FRMD4B: variants seen among roughly 807,000 people sequenced by gnomAD.
FRMD4B encodes the protein FERM domain-containing protein 4B.
A neutral mutation model predicts 141.5 loss-of-function variants in FRMD4B; 74 were observed. The ratio of observed to expected loss-of-function variants is 0.52; its 90% CI spans 0.43 to 0.63. The LOEUF (loss-of-function observed/expected upper bound fraction) is 0.63, where lower values mean the gene tolerates loss of function less well. Among genes scored for constraint, FRMD4B ranks in the 30% least tolerant of loss-of-function variants. FRMD4B has a pLI of 0.00. For missense variants in FRMD4B, 1,366 were observed against 1,253.4 expected, an observed-to-expected ratio of 1.09 and a Z score of -1.36; for synonymous variants, 506 against 467.9, an observed-to-expected ratio of 1.08 and a Z score of -1.05.
intron 8 of FRMD4B, among the ~76,000 whole-genome samples, chr3:69,223,919 T>A (rs1288634431): frequency 6.6e-6 from 1 of 152,230 alleles, no homozygotes; most frequent in African/African-American, 2.4e-5. Context: ...GCCTCAGTAC[T>A]TACTTTCACT....
chr3:69,291,569 C>T (rs1700875992), intron 4 of FRMD4B, among the ~76,000 whole-genome samples: 2 of 152,148 alleles, frequency 1.3e-5, no homozygotes, highest in Admixed American at 1.3e-4. Context: ...TTTTTCTGCT[C>T]TACTAAAACT....
intron 1 of FRMD4B, among the ~76,000 whole-genome samples, chr3:69,356,327 CATCTG>C (rs1457176187): frequency 6.6e-6 from 1 of 152,080 alleles, no homozygotes; most frequent in East Asian, 1.9e-4. Flanking sequence ...GGGTGGGCAC[CATCTG>C]ATCAGCTGCC....
chr3:69,318,461 G>A (rs565336382), intron 1 of FRMD4B, among the ~76,000 whole-genome samples: 1 of 152,298 alleles, frequency 6.6e-6, no homozygotes, highest in African/African-American at 2.4e-5. Flanking sequence ...GCTGACATCT[G>A]GGGAGGGGGC....
intron 2 of FRMD4B, among the ~76,000 whole-genome samples, chr3:69,396,324 G>A (rs564665319): frequency 6.6e-6 from 1 of 152,186 alleles, no homozygotes; most frequent in Non-Finnish European, 1.5e-5. Flanking sequence ...GGCCAATATG[G>A]TGAAACCCCT....
At chr3:69,449,849 C>T (rs1179623421) in intron 1 of FRMD4B, among the ~76,000 whole-genome samples, 1 of 152,152 alleles carries the variant, frequency 6.6e-6, no homozygotes, top group East Asian at 1.9e-4. Context: ...AATTGTTAAT[C>T]TCCATACTTT....
At chr3:69,257,044 T>G (rs972227309) in intron 5 of FRMD4B, among the ~76,000 whole-genome samples, 1 of 152,188 alleles carries the variant, frequency 6.6e-6, no homozygotes, top group East Asian at 1.9e-4. Flanking sequence ...TAGGTGCCAA[T>G]AGCAGCCTAC....
intron 5 of FRMD4B, among the ~76,000 whole-genome samples, chr3:69,276,158 CCTA>C (rs2093616961): frequency 6.6e-6 from 1 of 152,120 alleles, no homozygotes; most frequent in African/African-American, 2.4e-5. Flanking sequence ...TTTCCAGTTT[CCTA>C]CTATTGGAAA....
chr3:69,411,030 T>C (rs1704752447), intron 2 of FRMD4B, among the ~76,000 whole-genome samples: 1 of 152,076 alleles, frequency 6.6e-6, no homozygotes, highest in African/African-American at 2.4e-5. Context: ...TATTCTCCTG[T>C]GGCAAACTAG....
intron 1 of FRMD4B, among the ~76,000 whole-genome samples, chr3:69,437,777 T>G (rs1705283042): frequency 7.7e-6 from 1 of 129,294 alleles, no homozygotes; most frequent in African/African-American, 3.1e-5. Context: ...ATATATACTA[T>G]ATATACTATA....
chr3:69,241,901 A>C (rs992090117), intron 7 of FRMD4B, among the ~76,000 whole-genome samples: 1 of 151,786 alleles, frequency 6.6e-6, no homozygotes, highest in Non-Finnish European at 1.5e-5. Context: ...CAAAACAAAA[A>C]AACCCCCAAA....
chr3:69,424,513 T>G (rs766351234), intron 2 of FRMD4B, among the ~76,000 whole-genome samples: 3 of 152,156 alleles, frequency 2.0e-5, no homozygotes, highest in Non-Finnish European at 4.4e-5. Flanking sequence ...GTGGTTTCTC[T>G]CTTAGCTTAC....
chr3:69,331,524 A>C (rs2107332498), intron 1 of FRMD4B, among the ~76,000 whole-genome samples: 2 of 152,310 alleles, frequency 1.3e-5, no homozygotes, highest in Non-Finnish European at 2.9e-5. Context: ...TTTAAAGTAC[A>C]GTGTATTATT....
intron 4 of FRMD4B, among the ~76,000 whole-genome samples, chr3:69,288,968 C>T (rs1365150701): frequency 1.3e-5 from 2 of 152,152 alleles, no homozygotes; most frequent in Non-Finnish European, 2.9e-5. Context: ...TAAAATCATT[C>T]GAAACATTCC....
At chr3:69,538,951 T>C (rs896028674) in intron 1 of FRMD4B, among the ~76,000 whole-genome samples, 6 of 152,236 alleles carry the variant, frequency 3.9e-5, no homozygotes, top group African/African-American at 1.4e-4. Flanking sequence ...ATGTAAGACC[T>C]GCTGATGAGC....
chr3:69,172,475 C>A (rs760384377), intron 22 of FRMD4B, among the ~76,000 whole-genome samples: 1 of 152,068 alleles, frequency 6.6e-6, no homozygotes, highest in African/African-American at 2.4e-5. Flanking sequence ...AACAAATCTT[C>A]GGCCCATGTC....
At chr3:69,175,413 T>C (rs1428301923) in intron 22 of FRMD4B, among the ~76,000 whole-genome samples, 1 of 152,254 alleles carries the variant, frequency 6.6e-6, no homozygotes, top group Non-Finnish European at 1.5e-5. Context: ...AAAATCAGTT[T>C]TAACAAATTG....
At chr3:69,476,720 G>GT (rs1333990145) in intron 1 of FRMD4B, among the ~76,000 whole-genome samples, 1 of 152,060 alleles carries the variant, frequency 6.6e-6, no homozygotes, top group Non-Finnish European at 1.5e-5. Context: ...CTTTAAAGTA[G>GT]TTTTTTCCAA....
At chr3:69,472,007 T>A (rs201831429) in intron 1 of FRMD4B, 2 of 141,348 alleles carry the variant, frequency 1.4e-5, no homozygotes, top group African/African-American at 2.7e-5. Flanking sequence ...TTTTTTTTTA[T>A]AAAAGAGAAC....
intron 2 of FRMD4B, among the ~76,000 whole-genome samples, chr3:69,398,892 A>G (rs1303001242): frequency 6.6e-6 from 1 of 152,210 alleles, no homozygotes; most frequent in Non-Finnish European, 1.5e-5. Flanking sequence ...ATCCAAACAT[A>G]TACTGCATAC....
Sources: gnomAD v4.1 joint callset for allele counts (sites outside exome capture counted in the v4.1 genomes callset) on GRCh38, gnomAD v4.1.1 for gene constraint, MANE v1.5 for transcripts, NCBI Gene and HGNC (gene_info 2026-07-23, HGNC 2026-07-21) for gene names.